Variants in MAPK10 observed in about 807,000 individuals in gnomAD.
MAPK10 encodes the protein JNK3 alpha protein kinase.
A neutral mutation model predicts 59.3 loss-of-function variants in MAPK10; 25 were observed. The observed-to-expected ratio is 0.42, with a 90% CI of 0.31 to 0.59. The LOEUF (loss-of-function observed/expected upper bound fraction) is 0.59. Among genes scored for constraint, MAPK10 ranks in the 20% least tolerant of loss-of-function variants. The pLI is 0.15. For synonymous variants in MAPK10, 190 were observed against 200.5 expected (o/e 0.95, Z 0.44); for missense variants, 351 against 568.9 (o/e 0.62, Z 3.90).
intron 1 of MAPK10, among the ~76,000 whole-genome samples, chr4:86,367,676 T>A (rs1738138084): frequency 6.6e-6 from 1 of 152,122 alleles, no homozygotes; most frequent in South Asian, 2.1e-4. Context: ...TTGTTTTGTT[T>A]TTTTTGGTGA....
intron 2 of MAPK10, among the ~76,000 whole-genome samples, chr4:86,312,935 A>G (rs796929918): frequency 5.9e-5 from 9 of 152,212 alleles, no homozygotes; most frequent in African/African-American, 1.9e-4. Context: ...TGGTATTCTA[A>G]GCTTATGAGC....
chr4:86,128,484 C>T lies in MAPK10; in HGVS notation c.237-21132G>A, dbSNP rs187348023. Among the ~76,000 whole-genome samples, 687 of 152,178 alleles carry T rather than the reference C, an allele frequency of 4.5e-3. 2 individuals are homozygous for T. The highest frequency in any genetic ancestry group is 6.8e-3 in the Non-Finnish European group (463 of 67,984). On this transcript the variant is annotated intron_variant, in intron 4 of 13. Transcript: ENST00000641462. Reference sequence around the variant, plus strand: ...CCCCCTTTGCTGGTCTCTCATTCTTCTCCTTTCTGCCACCATGTGAAGAAG... The same window carrying T: ...CCCCCTTTGCTGGTCTCTCATTCTTTTCCTTTCTGCCACCATGTGAAGAAG...
chr4:86,589,256 A>G (rs934398433), intron 1 of MAPK10, among the ~76,000 whole-genome samples: 1 of 152,216 alleles, frequency 6.6e-6, no homozygotes, highest in African/African-American at 2.4e-5. Context: ...TGGGAAAGAT[A>G]AAAACAGTTT....
intron 1 of MAPK10, among the ~76,000 whole-genome samples, chr4:86,449,163 G>T (rs1750406892): frequency 6.6e-6 from 1 of 152,204 alleles, no homozygotes; most frequent in Non-Finnish European, 1.5e-5. Flanking sequence ...GGCCCCAGGG[G>T]TTGGGGACCC....
intron 2 of MAPK10, among the ~76,000 whole-genome samples, chr4:86,259,253 T>C (rs2093884457): frequency 6.6e-6 from 1 of 152,178 alleles, no homozygotes; most frequent in Non-Finnish European, 1.5e-5. Flanking sequence ...TGTTAGCTTC[T>C]GAAATATCTA....
chr4:86,358,196 A>T, intron 1 of MAPK10: 1 of 984,264 alleles, frequency 1.0e-6, no homozygotes, highest in Non-Finnish European at 1.2e-6. Flanking sequence ...TATTTGTAAC[A>T]TATATGCTCA....
intron 11 of MAPK10, among the ~76,000 whole-genome samples, chr4:86,048,327 A>T (rs2042893449): frequency 6.6e-6 from 1 of 152,096 alleles, no homozygotes; most frequent in Admixed American, 6.6e-5. Context: ...TGGCATATGG[A>T]AGGTTCTAAA....
intron 11 of MAPK10, among the ~76,000 whole-genome samples, chr4:86,062,270 A>G (rs1192650114): frequency 2.6e-5 from 4 of 152,124 alleles, no homozygotes; most frequent in Non-Finnish European, 4.4e-5. Context: ...TGCAGGCTCT[A>G]TCAGATCCTT....
At chr4:86,093,896 TTATA>T (rs1459523710) in intron 9 of MAPK10, among the ~76,000 whole-genome samples, 5 of 151,844 alleles carry the variant, frequency 3.3e-5, no homozygotes, top group Non-Finnish European at 5.9e-5. Context: ...AAATATTTAT[TTATA>T]ATTACATGCA....
At position 86,342,390 on chromosome 4, in the gene MAPK10, G is replaced by A. The variant is rs17011764; in HGVS notation, c.-7+12140C>T. 9.8e-3 allele frequency among the ~76,000 whole-genome samples: 1,493 copies of A among 152,216 alleles called. 17 individuals are homozygous for A. The highest frequency in any genetic ancestry group is 0.034 in the African/African-American group (1,413 of 41,526). On this transcript the variant is annotated intron_variant, in intron 2 of 13. Transcript: ENST00000641462. The stretch of plus-strand genomic sequence containing the variant: ...AACAAGTTTGCTGTGTAGGCGTTTC[G>A]TGGTAATCACTTTACTATTATTAAC...
intron 2 of MAPK10, among the ~76,000 whole-genome samples, chr4:86,302,032 C>CA (rs11284646): frequency 0.011 from 1,607 of 147,702 alleles, 9 homozygotes; most frequent in South Asian, 0.034. Context: ...TTTTTAAAAG[C>CA]AAAAAAAAAA....
At chr4:86,445,034 A>G (rs1409951907) in intron 1 of MAPK10, among the ~76,000 whole-genome samples, 1 of 152,236 alleles carries the variant, frequency 6.6e-6, no homozygotes, top group East Asian at 1.9e-4. Context: ...ATCTAGAACC[A>G]GAAATATCAT....
At chr4:86,054,124 C>T (rs1227559694) in intron 11 of MAPK10, among the ~76,000 whole-genome samples, 2 of 152,160 alleles carry the variant, frequency 1.3e-5, no homozygotes, top group East Asian at 1.9e-4. Flanking sequence ...TCAACCATTC[C>T]AGCTTTTCAC....
At chr4:86,288,178 TTTA>T (rs1468986970) in intron 2 of MAPK10, among the ~76,000 whole-genome samples, 1 of 151,980 alleles carries the variant, frequency 6.6e-6, no homozygotes, top group Non-Finnish European at 1.5e-5. Flanking sequence ...TTTTTTTAAT[TTTA>T]TTATTATTAT....
intron 1 of MAPK10, among the ~76,000 whole-genome samples, chr4:86,497,739 G>A (rs985532923): frequency 3.9e-5 from 6 of 152,132 alleles, no homozygotes; most frequent in African/African-American, 1.4e-4. Flanking sequence ...GGCCAATTTC[G>A]AGTGTACCAA....
Position 86,017,050 on chromosome 4 carries a change from C to T in MAPK10, c.*178G>A. On this transcript the variant is annotated 3_prime_UTR_variant, in exon 14 of 14. Coordinates refer to ENST00000641462, the MANE Select transcript of MAPK10 (RefSeq NM_138982.4). The surrounding 1 kb of genome is among the most constrained non-coding windows in gnomAD (Gnocchi z 4.4). ...TATACATTTGAGCTTAGCTGCAATA[C>T]AGAACCCTGGGGAAGAAGCAGGCTG... The T allele has an allele frequency of 1.5e-6, 1 of 661,798 alleles. No homozygotes were observed. The highest frequency in any genetic ancestry group is 2.5e-6 in the Non-Finnish European group (1 of 401,836). 41.0% of individuals were successfully genotyped at this position (661,798 alleles called of 1,614,324 possible).
intron 3 of MAPK10, among the ~76,000 whole-genome samples, chr4:86,170,832 C>G (rs2073908691): frequency 6.7e-6 from 1 of 150,348 alleles, no homozygotes; most frequent in African/African-American, 2.5e-5. Flanking sequence ...AAGTAAAGCT[C>G]TCCTCAGCAA....
chr4:86,307,223 A>T (rs2148861287), intron 2 of MAPK10, among the ~76,000 whole-genome samples: 1 of 152,258 alleles, frequency 6.6e-6, no homozygotes, highest in African/African-American at 2.4e-5. Flanking sequence ...TCTACCTTGT[A>T]ATAGAAGGAC....
intron 1 of MAPK10, among the ~76,000 whole-genome samples, chr4:86,398,239 A>T (rs959856319): frequency 6.6e-6 from 1 of 151,510 alleles, no homozygotes; most frequent in Non-Finnish European, 1.5e-5. Context: ...AAAAAAAAAG[A>T]AAAGAAAAGA....
Sources: gnomAD v4.1 joint callset for allele counts (sites outside exome capture counted in the v4.1 genomes callset) on GRCh38, gnomAD v4.1.1 for gene constraint, Gnocchi (gnomAD v3.1) non-coding constraint, MANE v1.5 for transcripts, NCBI Gene and HGNC (gene_info 2026-07-23, HGNC 2026-07-21) for gene names.